The following POU6F2 variants were observed in gnomAD, a reference collection of about 807,000 sequenced individuals.
The protein encoded by POU6F2 is POU class 6 homeobox 2, also known as POU domain, class 6, transcription factor 2.
A neutral mutation model predicts 71.3 loss-of-function variants in POU6F2; 31 were observed. The observed-to-expected ratio is 0.43, with a 90% CI of 0.33 to 0.59. POU6F2 has a LOEUF of 0.59. POU6F2 is among the 20% of genes least tolerant of loss of function. The probability of loss-of-function intolerance (pLI) is 0.04; values close to 1 mark genes in which losing one functional copy is unlikely to be tolerated. For missense variants in POU6F2, 783 were observed against 856.8 expected, an observed-to-expected ratio of 0.91 and a Z score of 1.07; for synonymous variants, 347 against 355.7, an observed-to-expected ratio of 0.98 and a Z score of 0.27.
intron 2 of POU6F2, among the ~76,000 whole-genome samples, chr7:39,157,400 G>C (rs1400819768): frequency 6.6e-6 from 1 of 152,066 alleles, no homozygotes; most frequent in East Asian, 1.9e-4. Context: ...AAGCATTCTA[G>C]AGGGAAGTGC....
At chr7:39,372,272 A>T (rs1786629458) in intron 5 of POU6F2, among the ~76,000 whole-genome samples, 1 of 152,170 alleles carries the variant, frequency 6.6e-6, no homozygotes, top group South Asian at 2.1e-4. Flanking sequence ...TTTCCACAAA[A>T]TTTTTATTGA....
chr7:39,107,198 C>A (rs1191212921), intron 2 of POU6F2, among the ~76,000 whole-genome samples: 1 of 152,032 alleles, frequency 6.6e-6, no homozygotes, highest in Non-Finnish European at 1.5e-5. Context: ...GCATGTGCCA[C>A]TGTGCTTGGC....
At chr7:39,113,223 G>A (rs776863506) in intron 2 of POU6F2, among the ~76,000 whole-genome samples, 9 of 151,898 alleles carry the variant, frequency 5.9e-5, no homozygotes, top group Admixed American at 1.3e-4. Flanking sequence ...TGTTTTTTTC[G>A]TTCTGTTTTA....
intron 4 of POU6F2, among the ~76,000 whole-genome samples, chr7:39,292,884 G>T (rs1197925796): frequency 6.6e-6 from 1 of 152,126 alleles, no homozygotes; most frequent in Non-Finnish European, 1.5e-5. Context: ...GATGGCTGGG[G>T]TCTTGCAGTG....
At chr7:39,144,313 G>C (rs755980630) in intron 2 of POU6F2, among the ~76,000 whole-genome samples, 11 of 152,106 alleles carry the variant, frequency 7.2e-5, no homozygotes, top group Non-Finnish European at 1.5e-4. Context: ...ATTTTAAAAA[G>C]TTTCTCATAT....
intron 4 of POU6F2, among the ~76,000 whole-genome samples, chr7:39,259,404 C>G (rs1424465736): frequency 6.6e-6 from 1 of 152,142 alleles, no homozygotes; most frequent in Non-Finnish European, 1.5e-5. Context: ...ATAACTTGTC[C>G]TTGAACAGAG....
intron 1 of POU6F2, among the ~76,000 whole-genome samples, chr7:38,987,216 T>C (rs933255701): frequency 6.6e-6 from 1 of 152,154 alleles, no homozygotes; most frequent in Non-Finnish European, 1.5e-5. Flanking sequence ...ATATATTGAA[T>C]ACTCAAACCA....
intron 6 of POU6F2, among the ~76,000 whole-genome samples, chr7:39,412,669 A>G (rs1193769024): frequency 1.3e-5 from 2 of 152,058 alleles, no homozygotes; most frequent in Non-Finnish European, 2.9e-5. Context: ...TAAACAATGA[A>G]ACATGTTAAA....
chr7:39,044,527 C>T (rs748529809), intron 1 of POU6F2, among the ~76,000 whole-genome samples: 1 of 151,886 alleles, frequency 6.6e-6, no homozygotes, highest in African/African-American at 2.4e-5. Context: ...AATTAAAAGA[C>T]GTTGTTTTTC....
At chr7:39,104,722 A>G (rs924060759) in intron 2 of POU6F2, among the ~76,000 whole-genome samples, 2 of 152,374 alleles carry the variant, frequency 1.3e-5, no homozygotes, top group African/African-American at 4.8e-5. Flanking sequence ...TCTACTTTTG[A>G]TAAGTGTCAA....
intron 2 of POU6F2, among the ~76,000 whole-genome samples, chr7:39,188,344 G>A (rs139958957): frequency 3.0e-3 from 461 of 152,128 alleles, no homozygotes; most frequent in African/African-American, 0.01. Flanking sequence ...ACAGAGTCTC[G>A]CTCTGTTGCC....
At chr7:39,413,096 G>A (rs1787590026) in intron 6 of POU6F2, among the ~76,000 whole-genome samples, 1 of 151,606 alleles carries the variant, frequency 6.6e-6, no homozygotes, top group East Asian at 1.9e-4. Flanking sequence ...GAGCCACCGC[G>A]CCCGGCCTTC....
intron 1 of POU6F2, among the ~76,000 whole-genome samples, chr7:39,049,359 A>T (rs900697987): frequency 6.6e-6 from 1 of 151,994 alleles, no homozygotes; most frequent in Non-Finnish European, 1.5e-5. Context: ...TGCATGATAT[A>T]CATATTTTGA....
chr7:39,015,279 TTATA>T (rs1202938341), intron 1 of POU6F2, among the ~76,000 whole-genome samples: 1 of 138,818 alleles, frequency 7.2e-6, no homozygotes, highest in South Asian at 2.2e-4. Context: ...ATGGTATCTA[TTATA>T]TAGAGATATA....
At chr7:39,407,279 C>G (rs572950414) in intron 6 of POU6F2, among the ~76,000 whole-genome samples, 2 of 151,784 alleles carry the variant, frequency 1.3e-5, no homozygotes, top group African/African-American at 4.8e-5. Flanking sequence ...GCAAGTCAGC[C>G]CCATGGTCCC....
At chr7:39,071,517 T>A (rs549144719) in intron 1 of POU6F2, among the ~76,000 whole-genome samples, 1 of 151,782 alleles carries the variant, frequency 6.6e-6, no homozygotes, top group African/African-American at 2.4e-5. Context: ...TAAATAACAT[T>A]AAAAACACTA....
chr7:39,342,220 G>A (rs978674270), intron 5 of POU6F2, among the ~76,000 whole-genome samples: 1 of 151,958 alleles, frequency 6.6e-6, no homozygotes, highest in African/African-American at 2.4e-5. Context: ...GGCATAAAAG[G>A]ACTTTTTTCC....
chr7:39,345,556 T>C (rs775642036), intron 5 of POU6F2, among the ~76,000 whole-genome samples: 2 of 152,258 alleles, frequency 1.3e-5, no homozygotes, highest in African/African-American at 4.8e-5. Flanking sequence ...TGAAATGTTA[T>C]GACAATCAAA....
At chr7:39,442,321 C>T (rs946109310) in intron 7 of POU6F2, among the ~76,000 whole-genome samples, 4 of 152,126 alleles carry the variant, frequency 2.6e-5, no homozygotes, top group African/African-American at 2.4e-5. Context: ...GACAGCAGTA[C>T]GTGCCATGAG....
Sources: gnomAD v4.1 joint callset for allele counts (sites outside exome capture counted in the v4.1 genomes callset) on GRCh38, gnomAD v4.1.1 for gene constraint, MANE v1.5 for transcripts, NCBI Gene and HGNC (gene_info 2026-07-23, HGNC 2026-07-21) for gene names.